The following SLC43A2 variants were observed in gnomAD, a reference collection of about 807,000 sequenced individuals.
SLC43A2 encodes the protein large neutral amino acids transporter small subunit 4.
Under a neutral mutation model 63.2 loss-of-function variants are expected in SLC43A2, and 38 were observed. The observed-to-expected ratio is 0.60, with a 90% CI of 0.46 to 0.79. The LOEUF (loss-of-function observed/expected upper bound fraction) is 0.79. Among genes scored for constraint, SLC43A2 ranks in the 30% least tolerant of loss-of-function variants. SLC43A2 has a pLI of 0.00. For missense variants in SLC43A2, 644 were observed against 756.2 expected, an observed-to-expected ratio of 0.85 and a Z score of 1.74; for synonymous variants, 322 against 331.0, an observed-to-expected ratio of 0.97 and a Z score of 0.30.
rs1241098314 is a variant in SLC43A2 at position 1,570,036 on chromosome 17, C to T, written c.*5568G>A. 6.7e-6 allele frequency: 1 copy of T among 149,164 alleles called. No individual in the cohort carries two copies. Among genetic ancestry groups the T allele is most frequent in the Non-Finnish European group, 1.5e-5 (1 of 67,328 alleles). 9.2% of individuals were successfully genotyped at this position (149,164 alleles called of 1,614,324 possible). Reference sequence around the variant, plus strand: ...CCAAGTAGCTGGGACTACAGGTACCCACCACCACGCCCAGCTAATTTTTTT... The same window carrying T: ...CCAAGTAGCTGGGACTACAGGTACCTACCACCACGCCCAGCTAATTTTTTT... On this transcript the variant is annotated 3_prime_UTR_variant, in exon 14 of 14. Coordinates refer to ENST00000301335, the MANE Select transcript of SLC43A2 (RefSeq NM_152346.3).
Position 1,605,027 on chromosome 17 carries a change from G to A in SLC43A2, c.501+8168C>T. On this transcript the variant is annotated intron_variant, in intron 5 of 13. Transcript: ENST00000301335. This position sits in a 1 kb window ranked among gnomAD's most constrained non-coding sequence, Gnocchi z 4.9. ...AAGGACCCCAGGAGGGGAAGGACCA[G>A]CTTTGCTGCCAAGCAGGAAGCCGGA... 7.0e-7 allele frequency: 1 copy of A among 1,421,224 alleles called. No homozygotes were observed. Among genetic ancestry groups the A allele is most frequent in the South Asian group, 1.5e-5 (1 of 66,402 alleles). 88.0% of individuals were successfully genotyped at this position (1,421,224 alleles called of 1,614,324 possible).
At chr17:1,595,867 G>T (rs568508969) in intron 5 of SLC43A2, among the ~76,000 whole-genome samples, 4 of 152,274 alleles carry the variant, frequency 2.6e-5, no homozygotes, top group Non-Finnish European at 5.9e-5. Context: ...TATCAAACCT[G>T]CCTGCCTGCA....
At chr17:1,600,152 A>ATATATTTTTTTTT (rs1216616243) in intron 5 of SLC43A2, among the ~76,000 whole-genome samples, 1 of 60,272 alleles carries the variant, frequency 1.7e-5, no homozygotes, top group Non-Finnish European at 3.2e-5. Context: ...ATATATATAT[A>ATATATTTTTTTTT]TTTTTTTTTT....
chr17:1,584,656 T>C (rs1467541124), intron 10 of SLC43A2, among the ~76,000 whole-genome samples: 1 of 58,220 alleles, frequency 1.7e-5, no homozygotes, highest in Non-Finnish European at 4.7e-5. Flanking sequence ...CTACTAAAAA[T>C]ATATATTAAA....
At chr17:1,629,807 C>A (rs1285663701), upstream of SLC43A2, among the ~76,000 whole-genome samples, 2 of 152,208 alleles carry the variant, frequency 1.3e-5, no homozygotes, top group African/African-American at 4.8e-5. Context: ...GCTCCGGGTC[C>A]CCGTCTGATA....
At position 1,570,109 on chromosome 17, in the gene SLC43A2, G is replaced by C. The variant is rs1299010331; in HGVS notation, c.*5495C>G. ...GGGGTTTCACTGTGTTAGCCACGTTGGTCTCGATCTCCTGACCTTGTGATC... is the reference window on the plus strand; with the variant it reads ...GGGGTTTCACTGTGTTAGCCACGTTCGTCTCGATCTCCTGACCTTGTGATC... On this transcript the variant is annotated 3_prime_UTR_variant, in exon 14 of 14. Transcript: ENST00000301335. The C allele has an allele frequency of 6.6e-6, 1 of 151,550 alleles. No individual in the cohort carries two copies. Among genetic ancestry groups the C allele is most frequent in the African/African-American group, 2.4e-5 (1 of 41,232 alleles). The allele number at this position is 151,550 out of a possible 1,614,324, so 9.4% of individuals were successfully genotyped here.
intron 5 of SLC43A2, chr17:1,603,197 G>A (rs1906242394): frequency 6.6e-6 from 1 of 152,182 alleles, no homozygotes; most frequent in South Asian, 2.1e-4. Context: ...CCTCTGGCAG[G>A]AACCACAGCT....
chr17:1,581,218 A>ACACACACACACACG (rs1410562252), intron 11 of SLC43A2, among the ~76,000 whole-genome samples: 2 of 151,858 alleles, frequency 1.3e-5, no homozygotes, highest in Non-Finnish European at 2.9e-5. Context: ...ACACACACAC[A>ACACACACACACACG]CACGCACGCT....
At chr17:1,587,363 A>G (rs1048632578) in intron 9 of SLC43A2, among the ~76,000 whole-genome samples, 9 of 152,202 alleles carry the variant, frequency 5.9e-5, no homozygotes, top group African/African-American at 2.2e-4. Context: ...GCTCTGTCAC[A>G]TCTACCTCCT....
intron 13 of SLC43A2, among the ~76,000 whole-genome samples, 180 bp downstream of exon 13, chr17:1,576,417 T>A (rs535708533): frequency 6.6e-6 from 1 of 151,968 alleles, no homozygotes; most frequent in Non-Finnish European, 1.5e-5. Context: ...CCAAATCAGG[T>A]CCAGAGAGGA....
chr17:1,615,609 C>T (rs1037212190), intron 3 of SLC43A2, among the ~76,000 whole-genome samples: 33 of 149,942 alleles, frequency 2.2e-4, no homozygotes, highest in South Asian at 6.3e-4. Context: ...TTTGGGAGGC[C>T]GAGGCGGGCA....
chr17:1,587,078 A>G (rs77820641), intron 9 of SLC43A2: 11 of 313,330 alleles, frequency 3.5e-5, no homozygotes, highest in East Asian at 8.9e-5. Flanking sequence ...CACGCACTGC[A>G]TTTCCCACAC....
rs747939961 is a variant in SLC43A2, at chr17:1,591,458, A to G, written c.742T>C (p.Phe248Leu). 1.2e-6 allele frequency: 2 copies of G among 1,612,602 alleles called. No homozygotes were observed. Among genetic ancestry groups the G allele is most frequent in the African/African-American group, 2.7e-5 (2 of 74,706 alleles). ...EDMDYSVKIK[F>L]SWLGFDHKIT... ...TTGTGGTCAAAGCCCAGCCAGCTGA[A>G]CTTGATCTTCACCCTGGGGCCCCGG... Residue 248 changes from phenylalanine (F) to leucine (L), a missense_variant, in exon 8 of 14, where the codon TTC (phenylalanine) becomes CTC (leucine). Physicochemically the swap from Phe to Leu is conservative, Grantham distance 22. This residue lies in a region of SLC43A2 where 528 missense variants were observed against 623.6 expected (regional missense o/e 0.85). Transcript: ENST00000301335.
In SLC43A2 at chr17:1,581,895, A is replaced by T. The variant is rs750532822; in HGVS notation, c.1350+1309T>A. Among the ~76,000 whole-genome samples the T allele has an allele frequency of 1.7e-4, 23 of 134,354 alleles. No homozygotes were observed. The South Asian group carries it at 3.1e-3, about 18-fold the overall frequency. 88.1% of individuals were successfully genotyped at this position (134,354 alleles called of 152,430 possible). ...ATCTCGGCTCACTGCAACCTCTGCC[A>T]CCCGGATTCAAGCAATTCTCCTGCC... On this transcript the variant is annotated intron_variant, in intron 11 of 13. Coordinates refer to ENST00000301335, the MANE Select transcript of SLC43A2 (RefSeq NM_152346.3).
At chr17:1,579,886 C>T (rs1227061307) in intron 11 of SLC43A2, among the ~76,000 whole-genome samples, 1 of 151,798 alleles carries the variant, frequency 6.6e-6, no homozygotes, top group Non-Finnish European at 1.5e-5. Flanking sequence ...CTCATCCCTT[C>T]CTAATTATTT....
In SLC43A2 at chr17:1,577,896, AC is replaced by A. The variant is rs936393503; in HGVS notation, c.1424+353del. Among the ~76,000 whole-genome samples, 1 of 152,088 alleles carries A rather than the reference AC, an allele frequency of 6.6e-6. No homozygotes were observed. Among genetic ancestry groups the A allele is most frequent in the Admixed American group, 6.6e-5 (1 of 15,262 alleles). ...CCGCATTTAGCTTCAGGCAGCCAGA[AC>A]CTACCCATCCTTCCCAGTGAGCAGC... On this transcript the variant is annotated intron_variant, in intron 12 of 13. Coordinates refer to ENST00000301335, the MANE Select transcript of SLC43A2 (RefSeq NM_152346.3). This position sits in a 1 kb window ranked among gnomAD's most constrained non-coding sequence, Gnocchi z 4.9.
At chr17:1,585,562 G>C in intron 10 of SLC43A2, 1 of 786,038 alleles carries the variant, frequency 1.3e-6, no homozygotes, top group South Asian at 1.7e-5. Flanking sequence ...TAAATTTTTT[G>C]TAGAGACGGG....
In SLC43A2 at chr17:1,625,242, G is replaced by A. The variant is rs149806571; in HGVS notation, c.160+2473C>T. Reference sequence around the variant, plus strand: ...AGGAAGAACAAACTGCGGGGCAGCCGAGAAATGAGCTGTTTCCTTCCTTCT... The same window carrying A: ...AGGAAGAACAAACTGCGGGGCAGCCAAGAAATGAGCTGTTTCCTTCCTTCT... On this transcript the variant is annotated intron_variant, in intron 2 of 13. Transcript: ENST00000301335. 4.5e-3 allele frequency among the ~76,000 whole-genome samples: 686 copies of A among 152,318 alleles called. 6 individuals are homozygous for A. Among genetic ancestry groups the A allele is most frequent in the African/African-American group, 0.015 (636 of 41,562 alleles).
intron 11 of SLC43A2, among the ~76,000 whole-genome samples, chr17:1,581,755 T>G (rs1347423098): frequency 6.6e-6 from 1 of 151,764 alleles, no homozygotes; most frequent in Non-Finnish European, 1.5e-5. Flanking sequence ...ACTCAAAATC[T>G]CTGTCAAAAA....
Sources: allele counts gnomAD v4.1 joint callset (sites outside exome capture counted in the v4.1 genomes callset), GRCh38; gene constraint gnomAD v4.1.1; regional missense constraint gnomAD v4.1.1; non-coding constraint Gnocchi (gnomAD v3.1); transcripts MANE v1.5; gene names NCBI Gene and HGNC (gene_info 2026-07-23, HGNC 2026-07-21).